PTPRJ: variants seen among roughly 807,000 people sequenced by gnomAD.
The protein encoded by PTPRJ is receptor-type tyrosine-protein phosphatase eta.
A neutral mutation model predicts 141.3 loss-of-function variants in PTPRJ; 129 were observed. That is an observed-to-expected ratio of 0.91 (90% CI 0.79 to 1.06). PTPRJ has a LOEUF of 1.06. Ranked by LOEUF, PTPRJ falls within the 50% of genes least tolerant of loss-of-function variation. The pLI is 0.00. For missense variants in PTPRJ, 1,601 were observed against 1,679.7 expected (o/e 0.95, Z 0.82); for synonymous variants, 610 against 640.5 (o/e 0.95, Z 0.72).
In PTPRJ at chr11:48,019,563, G is replaced by C. The variant is rs192701452; in HGVS notation, c.96+38555G>C. The stretch of plus-strand genomic sequence containing the variant: ...GTGGTGGACATTTTGCCAGGGTACT[G>C]TGTTAACTGTTCCAAGGTATCACCC... On this transcript the variant is annotated intron_variant, in intron 1 of 24. Transcript: ENST00000418331. Among the ~76,000 whole-genome samples the C allele has an allele frequency of 1.1e-4, 17 of 152,338 alleles. No individual in the cohort carries two copies. In the East Asian group the frequency reaches 3.3e-3, roughly 29 times the overall value.
intron 1 of PTPRJ, among the ~76,000 whole-genome samples, chr11:48,009,530 A>G (rs1854720679): frequency 6.6e-6 from 1 of 152,180 alleles, no homozygotes; most frequent in Non-Finnish European, 1.5e-5. Context: ...TGGGAGGCGG[A>G]GGGTGTAGCG....
intron 11 of PTPRJ, 54 bp from the exon 12 acceptor site, chr11:48,142,865 T>G: frequency 2.6e-6 from 4 of 1,560,364 alleles, no homozygotes; most frequent in Non-Finnish European, 3.5e-6. Context: ...CTACCTAATG[T>G]GTTGCTTTGG....
At chr11:48,081,303 A>G (rs1855551727) in intron 1 of PTPRJ, among the ~76,000 whole-genome samples, 1 of 152,232 alleles carries the variant, frequency 6.6e-6, no homozygotes, top group South Asian at 2.1e-4. Flanking sequence ...GAAAATGAAC[A>G]GTGTCTTCTC....
At chr11:48,050,549 A>G (rs1245236671) in intron 1 of PTPRJ, among the ~76,000 whole-genome samples, 3 of 152,120 alleles carry the variant, frequency 2.0e-5, no homozygotes, top group Admixed American at 6.5e-5. Context: ...TTCTTCACAC[A>G]TTTGTTCCTC....
chr11:47,991,443 A>T (rs1339881118), intron 1 of PTPRJ, among the ~76,000 whole-genome samples: 4 of 152,178 alleles, frequency 2.6e-5, no homozygotes, highest in African/African-American at 7.2e-5. Flanking sequence ...AAGTTTAAAG[A>T]CATAATCCTT....
chr11:48,150,075 T>G, intron 17 of PTPRJ, 21 bp from the exon 18 acceptor site: 1 of 1,599,172 alleles, frequency 6.3e-7, no homozygotes, highest in Non-Finnish European at 8.6e-7. Flanking sequence ...TAAAAAATCC[T>G]GATAAGTTTT....
intron 21 of PTPRJ, 41 bp downstream of exon 21, chr11:48,156,160 A>C: frequency 2.0e-6 from 3 of 1,494,854 alleles, no homozygotes; most frequent in Non-Finnish European, 2.8e-6. Flanking sequence ...AAATTACATT[A>C]ATTGCTTTTT....
At chr11:48,151,762 A>G (rs1468174436) in intron 18 of PTPRJ, among the ~76,000 whole-genome samples, 1 of 152,032 alleles carries the variant, frequency 6.6e-6, no homozygotes, top group East Asian at 1.9e-4. Context: ...CCATGTCCCT[A>G]CAAAGGACCT....
At chr11:48,148,293 C>G (rs1006248754) in intron 15 of PTPRJ, among the ~76,000 whole-genome samples, 3 of 152,186 alleles carry the variant, frequency 2.0e-5, no homozygotes, top group African/African-American at 2.4e-5. Context: ...AATCTGCAAT[C>G]GCAGAACCCA....
chr11:48,054,226 G>A (rs1214257214), intron 1 of PTPRJ, among the ~76,000 whole-genome samples: 2 of 152,208 alleles, frequency 1.3e-5, no homozygotes, highest in Non-Finnish European at 2.9e-5. Flanking sequence ...GAGCCATGGC[G>A]CCCGGCCCTA....
intron 1 of PTPRJ, among the ~76,000 whole-genome samples, chr11:48,015,063 C>T (rs1247839516): frequency 1.3e-5 from 2 of 152,032 alleles, no homozygotes; most frequent in African/African-American, 4.8e-5. Flanking sequence ...GACTTGGCCA[C>T]TTTGGCAGCT....
chr11:48,158,360 G>A lies in PTPRJ; in HGVS notation c.3439-1570G>A, dbSNP rs1857664617. 1.3e-5 allele frequency among the ~76,000 whole-genome samples: 2 copies of A among 152,144 alleles called. No individual in the cohort carries two copies. Among genetic ancestry groups the A allele is most frequent in the African/African-American group, 4.8e-5 (2 of 41,430 alleles). On this transcript the variant is annotated intron_variant, in intron 21 of 24. Coordinates refer to ENST00000418331, the MANE Select transcript of PTPRJ (RefSeq NM_002843.4). This position sits in a 1 kb window ranked among gnomAD's most constrained non-coding sequence, Gnocchi z 4.4. ...GAAGTTAGTCTTAGTGACCCTGGGT[G>A]AATGGGGAAGGGAGTGTATTTTCTG...
At chr11:48,166,905 C>T (rs763353455) in intron 24 of PTPRJ, among the ~76,000 whole-genome samples, 5 of 152,130 alleles carry the variant, frequency 3.3e-5, no homozygotes, top group Non-Finnish European at 5.9e-5. Flanking sequence ...GCATTTTTTC[C>T]TCTACATTTC....
At chr11:48,048,167 GTC>G (rs1184075671) in intron 1 of PTPRJ, among the ~76,000 whole-genome samples, 1 of 152,168 alleles carries the variant, frequency 6.6e-6, no homozygotes, top group Non-Finnish European at 1.5e-5. Flanking sequence ...TGCACTGAGA[GTC>G]TCTGGTACCT....
At position 48,158,625 on chromosome 11, in the gene PTPRJ, A is replaced by C. The variant is rs1565332960; in HGVS notation, c.3439-1305A>C. On this transcript the variant is annotated intron_variant, in intron 21 of 24. Coordinates refer to ENST00000418331, the MANE Select transcript of PTPRJ (RefSeq NM_002843.4). This position sits in a 1 kb window ranked among gnomAD's most constrained non-coding sequence, Gnocchi z 4.4. ...AAATACAGATCCCGCAGCCAGAGTC[A>C]GAATCTCTGGAGGTAGAACCCAGGC... 6.6e-6 allele frequency among the ~76,000 whole-genome samples: 1 copy of C among 152,210 alleles called. No individual in the cohort carries two copies. The highest frequency in any genetic ancestry group is 1.5e-5 in the Non-Finnish European group (1 of 68,030).
chr11:48,119,985 A>G (rs151168365), intron 3 of PTPRJ, among the ~76,000 whole-genome samples: 2 of 152,312 alleles, frequency 1.3e-5, no homozygotes, highest in East Asian at 3.9e-4. Flanking sequence ...TGTACATCTA[A>G]GATGATGAAA....
chr11:48,019,613 T>A (rs1365635823), intron 1 of PTPRJ, among the ~76,000 whole-genome samples: 1 of 152,150 alleles, frequency 6.6e-6, no homozygotes. Context: ...GAACATTCAG[T>A]GTTTTGGTTT....
chr11:48,093,627 T>G (rs1855928588), intron 1 of PTPRJ, among the ~76,000 whole-genome samples: 1 of 152,152 alleles, frequency 6.6e-6, no homozygotes, highest in Non-Finnish European at 1.5e-5. Flanking sequence ...TTATGTATTT[T>G]TTGTTTGCTC....
intron 1 of PTPRJ, among the ~76,000 whole-genome samples, chr11:47,999,472 A>G (rs149293313): frequency 7.9e-5 from 12 of 152,212 alleles, no homozygotes; most frequent in Non-Finnish European, 1.3e-4. Flanking sequence ...AATTCTCCCA[A>G]TTAGAACTTA....
Sources: allele counts gnomAD v4.1 joint callset (sites outside exome capture counted in the v4.1 genomes callset), GRCh38; gene constraint gnomAD v4.1.1; non-coding constraint Gnocchi (gnomAD v3.1); transcripts MANE v1.5; gene names NCBI Gene and HGNC (gene_info 2026-07-23, HGNC 2026-07-21).